The following CD36 variants were observed in gnomAD, a reference collection of about 807,000 sequenced individuals.
CD36 encodes platelet glycoprotein 4.
A neutral mutation model predicts 55.2 loss-of-function variants in CD36; 119 were observed. The observed-to-expected ratio is 2.15, with a 90% CI of 1.86 to 2.51. CD36 has a LOEUF of 2.51. CD36 is among the 30% of genes most tolerant of loss of function. CD36 has a pLI of 0.00. For synonymous variants in CD36, 186 were observed against 193.6 expected (o/e 0.96, Z 0.33); for missense variants, 819 against 555.5 (o/e 1.47, Z -4.77).
chr7:80,635,627 A>T (rs2116192879), upstream of CD36, among the ~76,000 whole-genome samples: 1 of 152,156 alleles, frequency 6.6e-6, no homozygotes, highest in African/African-American at 2.4e-5. Context: ...AATCCTTCAT[A>T]TTATCACTTT....
chr7:80,619,586 G>A (rs1793342765), intron 1 of CD36, among the ~76,000 whole-genome samples: 1 of 148,692 alleles, frequency 6.7e-6, no homozygotes, highest in African/African-American at 2.5e-5. Flanking sequence ...GGCAGAGATT[G>A]CAGTGAGCCT....
chr7:80,626,855 G>C (rs1793772045), intron 1 of CD36, among the ~76,000 whole-genome samples: 1 of 151,934 alleles, frequency 6.6e-6, no homozygotes, highest in African/African-American at 2.4e-5. Flanking sequence ...CATGCTTTTA[G>C]GTTCTGTTGT....
At position 80,670,011 on chromosome 7, in the gene CD36, T is replaced by C. The variant is rs1219574399; in HGVS notation, c.807T>C (p.Ser269=). Reference sequence around the variant, plus strand: ...GCCAGGTATTGCAGTTCTTTTCTTCTGATATTTGCAGGTAAGACAGATACT... The same window carrying C: ...GCCAGGTATTGCAGTTCTTTTCTTCCGATATTTGCAGGTAAGACAGATACT... ...EKSQVLQFFS[S]DICRSIYAVF... The change falls in exon 9 of 15, where the codon TCT becomes TCC. Residue 269 remains serine (S), a synonymous_variant. Coordinates refer to ENST00000447544, the MANE Select transcript of CD36 (RefSeq NM_001001548.3). 6.2e-7 allele frequency: 1 copy of C among 1,605,232 alleles called. No homozygotes were observed. Among genetic ancestry groups the C allele is most frequent in the African/African-American group, 1.3e-5 (1 of 74,854 alleles).
chr7:80,608,352 T>G (rs1219362687), intron 1 of CD36, among the ~76,000 whole-genome samples: 1 of 152,300 alleles, frequency 6.6e-6, no homozygotes, highest in East Asian at 1.9e-4. Context: ...TTAGACTGCA[T>G]ATGTTTGAAA....
intron 3 of CD36, among the ~76,000 whole-genome samples, chr7:80,649,468 C>A (rs1004425905): frequency 1.4e-5 from 2 of 141,404 alleles, no homozygotes; most frequent in African/African-American, 5.2e-5. Context: ...AAAAGGCACA[C>A]TGGTCTGGCA....
At chr7:80,610,073 G>A (rs997768747) in intron 1 of CD36, among the ~76,000 whole-genome samples, 1 of 152,170 alleles carries the variant, frequency 6.6e-6, no homozygotes, top group African/African-American at 2.4e-5. Context: ...AAACTGAAGA[G>A]TGAGAAGTAT....
chr7:80,606,550 C>A (rs1792559486), intron 1 of CD36, among the ~76,000 whole-genome samples: 1 of 152,170 alleles, frequency 6.6e-6, no homozygotes. Flanking sequence ...AGTCCTTTTC[C>A]CCAGTCTGCA....
chr7:80,606,737 A>G (rs1355431798), intron 1 of CD36, among the ~76,000 whole-genome samples: 4 of 152,126 alleles, frequency 2.6e-5, no homozygotes, highest in Non-Finnish European at 5.9e-5. Context: ...TGATTTCTCC[A>G]CTTTTCACTT....
chr7:80,654,070 A>G (rs1795826730), intron 3 of CD36, among the ~76,000 whole-genome samples: 2 of 152,016 alleles, frequency 1.3e-5, no homozygotes, highest in South Asian at 2.1e-4. Flanking sequence ...ATTCATTTCA[A>G]CCCTGTGTTT....
chr7:80,605,794 T>C (rs1792512225), intron 1 of CD36, among the ~76,000 whole-genome samples: 1 of 152,228 alleles, frequency 6.6e-6, no homozygotes, highest in African/African-American at 2.4e-5. Context: ...CTTTAATTTC[T>C]ATTAGCCCCA....
intron 1 of CD36, among the ~76,000 whole-genome samples, chr7:80,645,204 G>C (rs1795071179): frequency 6.6e-6 from 1 of 151,480 alleles, no homozygotes; most frequent in Non-Finnish European, 1.5e-5. Flanking sequence ...ATGTTTAGTA[G>C]AGATGGGGTT....
chr7:80,646,833 C>G lies in CD36; in HGVS notation c.93C>G (p.Asp31Glu), dbSNP rs868333686. 1.2e-6 allele frequency: 2 copies of G among 1,613,784 alleles called. No homozygotes were observed. Among genetic ancestry groups the G allele is most frequent in the Non-Finnish European group, 1.7e-6 (2 of 1,179,910 alleles). The change falls in exon 3 of 15, where the codon GAC becomes GAG. Residue 31 changes from aspartate to glutamate, a missense_variant. By Grantham distance (45) the Asp-to-Glu change is conservative (BLOSUM62 2). Transcript: ENST00000447544. ...VFGGILMPVGDLLIQKTIKKQ... is the reference protein window; with the variant it reads ...VFGGILMPVGELLIQKTIKKQ... ...GAGGTATTCTAATGCCAGTTGGAGA[C>G]CTGCTTATCCAGAAGACAATTAAAA...
At chr7:80,673,510 T>C (rs1797937480) in intron 13 of CD36, 101 bp downstream of exon 13, 1 of 784,636 alleles carries the variant, frequency 1.3e-6, no homozygotes, top group South Asian at 1.4e-5. Context: ...GCTATATGTA[T>C]TTCCATTACC....
At chr7:80,630,552 G>T (rs1387277583) in intron 1 of CD36, among the ~76,000 whole-genome samples, 1 of 152,080 alleles carries the variant, frequency 6.6e-6, no homozygotes, top group Non-Finnish European at 1.5e-5. Context: ...TTTGGGATGT[G>T]CTTCTCTATA....
Position 80,646,754 on chromosome 7 carries a change from G to T in CD36, c.14G>T (p.Arg5Leu), listed in dbSNP as rs13306227. The change falls in exon 3 of 15, where the codon CGG (arginine) becomes CTG (leucine). Residue 5 changes from arginine (R) to leucine (L), a missense_variant. By Grantham distance (102) the Arg-to-Leu change is moderately radical. Transcript: ENST00000447544. ...TGAACAAGAAAAATGGGCTGTGACC[G>T]GAACTGTGGGCTCATCGCTGGGGCT... MGCD[R>L]NCGLIAGAVI... The T allele has an allele frequency of 9.3e-6, 15 of 1,613,956 alleles. 1 individual carries two copies. The East Asian group carries it at 3.3e-4, about 36-fold the overall frequency.
intron 1 of CD36, among the ~76,000 whole-genome samples, chr7:80,629,001 G>A (rs1793910317): frequency 2.0e-5 from 3 of 152,160 alleles, no homozygotes; most frequent in South Asian, 4.1e-4. Context: ...AATAGAATGG[G>A]AGGCAGGTTT....
At chr7:80,620,861 C>G (rs576274504) in intron 1 of CD36, among the ~76,000 whole-genome samples, 1 of 152,232 alleles carries the variant, frequency 6.6e-6, no homozygotes, top group South Asian at 2.1e-4. Context: ...CACGTGACAA[C>G]AAAGAATTTA....
chr7:80,602,299 A>G (rs974419521), exon 1 of CD36: 11 of 152,142 alleles, frequency 7.2e-5, no homozygotes, highest in Admixed American at 7.2e-4. Context: ...AATCCTGTTT[A>G]CTTTCTGCAT....
At chr7:80,667,739 TTTC>T (rs1797229666) in intron 8 of CD36, among the ~76,000 whole-genome samples, 1 of 129,590 alleles carries the variant, frequency 7.7e-6, no homozygotes, top group Non-Finnish European at 1.7e-5. Flanking sequence ...TTGCAGGGGT[TTTC>T]TTTTGTTTTT....
Sources: gnomAD v4.1 joint callset for allele counts (sites outside exome capture counted in the v4.1 genomes callset) on GRCh38, gnomAD v4.1.1 for gene constraint, MANE v1.5 for transcripts, NCBI Gene and HGNC (gene_info 2026-07-23, HGNC 2026-07-21) for gene names.